Variants in MS4A4E observed in about 807,000 individuals in gnomAD.
The protein encoded by MS4A4E is membrane spanning 4-domains A4E.
In MS4A4E, 23 loss-of-function variants were observed where a neutral mutation model predicts 13.3. The observed-to-expected ratio is 1.73, with a 90% CI of 1.25 to 2.45. The LOEUF (loss-of-function observed/expected upper bound fraction) is 2.45, where lower values mean the gene tolerates loss of function less well. Ranked by LOEUF, MS4A4E falls within the 30% of genes most tolerant of loss-of-function variation. The probability of loss-of-function intolerance (pLI) is 0.00; values close to 1 mark genes in which losing one functional copy is unlikely to be tolerated. For synonymous variants in MS4A4E, 36 were observed against 45.6 expected (o/e 0.79, Z 0.85); for missense variants, 144 against 131.2 (o/e 1.10, Z -0.48).
intron 4 of MS4A4E, 200 bp from the exon 5 acceptor site, chr11:60,213,332 C>T: frequency 6.5e-7 from 1 of 1,529,564 alleles, no homozygotes; most frequent in Non-Finnish European, 8.8e-7. Context: ...TCAGATAATT[C>T]CTGTGAGAAG....
chr11:60,205,682 G>A (rs1453027234), intron 7 of MS4A4E, among the ~76,000 whole-genome samples, 32 bp downstream of exon 7: 1 of 152,094 alleles, frequency 6.6e-6, no homozygotes, highest in African/African-American at 2.4e-5. Context: ...GAAAACCCAG[G>A]GTTGTCTGAT....
chr11:60,237,870 G>C (rs772204979), intron 1 of MS4A4E, among the ~76,000 whole-genome samples: 1 of 151,902 alleles, frequency 6.6e-6, no homozygotes, highest in Non-Finnish European at 1.5e-5. Flanking sequence ...ATTCGTCATT[G>C]GATGAGTATT....
intron 5 of MS4A4E, among the ~76,000 whole-genome samples, chr11:60,210,201 CA>C (rs1233428090): frequency 6.6e-6 from 1 of 152,168 alleles, no homozygotes; most frequent in Non-Finnish European, 1.5e-5. Context: ...ACTTTATTTA[CA>C]AAAACAAATA....
At chr11:60,239,227 C>T (rs1032479543) in intron 1 of MS4A4E, among the ~76,000 whole-genome samples, 45 of 152,292 alleles carry the variant, frequency 3.0e-4, no homozygotes, top group African/African-American at 1.0e-3. Context: ...TGTAACTCTA[C>T]TCTGTGAATA....
At chr11:60,214,720 G>T in intron 3 of MS4A4E, 106 bp from the exon 4 acceptor site, 1 of 565,818 alleles carries the variant, frequency 1.8e-6, no homozygotes, top group Non-Finnish European at 2.9e-6. Context: ...AGATAGATAT[G>T]TATAAACAGG....
At chr11:60,224,296 G>T in intron 3 of MS4A4E, among the ~76,000 whole-genome samples, 1 of 152,210 alleles carries the variant, frequency 6.6e-6, no homozygotes, top group East Asian at 1.9e-4. Context: ...GAAACAAAAT[G>T]TATCAAATAA....
At chr11:60,217,508 G>A (rs990680210) in intron 3 of MS4A4E, among the ~76,000 whole-genome samples, 18 of 152,090 alleles carry the variant, frequency 1.2e-4, no homozygotes, top group African/African-American at 4.1e-4. Context: ...CTTTGTCTAA[G>A]GAGATAAACC....
chr11:60,222,339 A>C (rs2134948617), intron 3 of MS4A4E, among the ~76,000 whole-genome samples: 1 of 152,286 alleles, frequency 6.6e-6, no homozygotes, highest in African/African-American at 2.4e-5. Flanking sequence ...TTGTTGGCTA[A>C]AGAAATGCGG....
At chr11:60,215,307 T>C (rs1056991131) in intron 3 of MS4A4E, among the ~76,000 whole-genome samples, 4 of 151,750 alleles carry the variant, frequency 2.6e-5, no homozygotes, top group East Asian at 1.9e-4. Flanking sequence ...TAAATCACCA[T>C]TGGAAAAAAA....
intron 3 of MS4A4E, chr11:60,224,893 A>C (rs1249672672): frequency 2.4e-6 from 3 of 1,249,364 alleles, no homozygotes; most frequent in Non-Finnish European, 3.1e-6. Context: ...AATTAGAATA[A>C]AATTGCAAAG....
At chr11:60,241,612 A>G (rs1436270693) in intron 1 of MS4A4E, among the ~76,000 whole-genome samples, 2 of 152,214 alleles carry the variant, frequency 1.3e-5, no homozygotes, top group East Asian at 3.8e-4. Flanking sequence ...ATAAATTTAT[A>G]TAACTGCCTC....
chr11:60,211,938 C>T (rs957754283), intron 5 of MS4A4E, among the ~76,000 whole-genome samples: 1 of 151,860 alleles, frequency 6.6e-6, no homozygotes, highest in Non-Finnish European at 1.5e-5. Context: ...CCATCTCTAA[C>T]AATAATAATA....
At chr11:60,216,989 C>G (rs964330028) in intron 3 of MS4A4E, among the ~76,000 whole-genome samples, 4 of 152,052 alleles carry the variant, frequency 2.6e-5, no homozygotes, top group Admixed American at 1.3e-4. Flanking sequence ...TCTAGAGAAC[C>G]CTGACTAATA....
Position 60,229,965 on chromosome 11 carries a change from G to T in MS4A4E, c.91C>A (p.Leu31Met). 1 of 1,613,592 alleles carries T rather than the reference G, an allele frequency of 6.2e-7. No individual in the cohort carries two copies. The highest frequency in any genetic ancestry group is 8.5e-7 in the Non-Finnish European group (1 of 1,179,756). Reference sequence around the variant, plus strand: ...AACTTCTCTTGCAATCCTTTACACAGATATGAATGTATGACATCTATGTTT... The same window carrying T: ...AACTTCTCTTGCAATCCTTTACACATATATGAATGTATGACATCTATGTTT... ...LGNIDVIHSY[L>M]CKGLQEKFFK... Residue 31 changes from leucine to methionine, a missense_variant, in exon 2 of 9, where the codon CTG becomes ATG. By Grantham distance (15) the Leu-to-Met change is conservative. Around this residue, in one of 3 missense-constraint regions of MS4A4E, gnomAD observed 119 missense variants for 88.7 expected, o/e 1.34. Coordinates refer to ENST00000651255, the MANE Select transcript of MS4A4E (RefSeq NM_001393391.1).
At chr11:60,234,399 A>G (rs906690543) in intron 1 of MS4A4E, among the ~76,000 whole-genome samples, 4 of 152,192 alleles carry the variant, frequency 2.6e-5, no homozygotes, top group African/African-American at 9.7e-5. Context: ...CTTAATTGCC[A>G]TTGTAACAGT....
rs369513461 is a variant in MS4A4E, at chr11:60,238,220, T to C, written c.-17+4738A>G. Among the ~76,000 whole-genome samples, 39 of 152,070 alleles carry C rather than the reference T, an allele frequency of 2.6e-4. No individual in the cohort carries two copies. The South Asian group carries it at 7.5e-3, about 29-fold the overall frequency. ...TAAGTTTGGAATTGTTCCCTTCTCT[T>C]CTAGTTTTTGATGGAAGGGTATTAA... On this transcript the variant is annotated intron_variant, in intron 1 of 8. Coordinates refer to ENST00000651255, the MANE Select transcript of MS4A4E (RefSeq NM_001393391.1).
intron 3 of MS4A4E, among the ~76,000 whole-genome samples, chr11:60,227,530 G>T (rs1384524487): frequency 6.6e-6 from 1 of 152,052 alleles, no homozygotes; most frequent in African/African-American, 2.4e-5. Context: ...CAGCCTGGGT[G>T]ACAGCGCCAG....
intron 1 of MS4A4E, among the ~76,000 whole-genome samples, chr11:60,232,284 A>AACACACACACACACACACAC (rs3221531): frequency 0.046 from 5,969 of 129,976 alleles, 222 homozygotes; most frequent in African/African-American, 0.054. Context: ...CATCGCCATC[A>AACACACACACACACACACAC]ACACACACAC....
At chr11:60,236,002 A>G (rs1176016721) in intron 1 of MS4A4E, among the ~76,000 whole-genome samples, 2 of 152,210 alleles carry the variant, frequency 1.3e-5, no homozygotes, top group Non-Finnish European at 2.9e-5. Context: ...AGTTGTTCAA[A>G]CATGATTTGC....
Sources: allele counts gnomAD v4.1 joint callset (sites outside exome capture counted in the v4.1 genomes callset), GRCh38; gene constraint gnomAD v4.1.1; regional missense constraint gnomAD v4.1.1; transcripts MANE v1.5; gene names NCBI Gene and HGNC (gene_info 2026-07-23, HGNC 2026-07-21).